The following TCF12 variants were observed in gnomAD, a reference collection of about 807,000 sequenced individuals.
TCF12 encodes DNA-binding protein HTF4.
In TCF12, 45 loss-of-function variants were observed where a neutral mutation model predicts 86.0. That is an observed-to-expected ratio of 0.52 (90% CI 0.41 to 0.67). The LOEUF (loss-of-function observed/expected upper bound fraction) is 0.67, where lower values mean the gene tolerates loss of function less well. Among genes scored for constraint, TCF12 ranks in the 30% least tolerant of loss-of-function variants. The pLI is 0.00. For synonymous variants in TCF12, 330 were observed against 299.6 expected (o/e 1.10, Z -1.05); for missense variants, 881 against 859.9 (o/e 1.02, Z -0.31).
At chr15:56,979,202 C>T (rs1258565108) in intron 3 of TCF12, among the ~76,000 whole-genome samples, 2 of 152,074 alleles carry the variant, frequency 1.3e-5, no homozygotes, top group Non-Finnish European at 2.9e-5. Flanking sequence ...AAAATTGAGT[C>T]TTTAGGATAA....
At chr15:57,000,348 GTTTTTT>G (rs11291698) in intron 3 of TCF12, among the ~76,000 whole-genome samples, 1 of 146,590 alleles carries the variant, frequency 6.8e-6, no homozygotes, top group African/African-American at 2.5e-5. Flanking sequence ...CCAGAAGTCT[GTTTTTT>G]TTTTTTTTAA....
chr15:57,227,039 A>G (rs1169284456), intron 8 of TCF12, among the ~76,000 whole-genome samples: 1 of 152,092 alleles, frequency 6.6e-6, no homozygotes, highest in Non-Finnish European at 1.5e-5. Flanking sequence ...TAGGATATAT[A>G]GCTATTGTCA....
chr15:57,138,954 C>T (rs1483933755), intron 5 of TCF12, among the ~76,000 whole-genome samples: 1 of 152,102 alleles, frequency 6.6e-6, no homozygotes, highest in South Asian at 2.1e-4. Context: ...ATTAAATTAA[C>T]CAGTAGCTGA....
chr15:57,115,685 A>G (rs1160853926), intron 5 of TCF12, among the ~76,000 whole-genome samples: 2 of 152,168 alleles, frequency 1.3e-5, no homozygotes, highest in Non-Finnish European at 2.9e-5. Flanking sequence ...ATGTTAATAT[A>G]TTATTATAAA....
At chr15:56,928,000 T>G (rs1219320347) in intron 3 of TCF12, among the ~76,000 whole-genome samples, 1 of 151,924 alleles carries the variant, frequency 6.6e-6, no homozygotes, top group Non-Finnish European at 1.5e-5. Context: ...AGAAATGGAG[T>G]GGAGTCTAAT....
At chr15:57,094,698 G>A (rs2049204250) in intron 5 of TCF12, among the ~76,000 whole-genome samples, 1 of 152,196 alleles carries the variant, frequency 6.6e-6, no homozygotes, top group Non-Finnish European at 1.5e-5. Context: ...GAGTGGTGCT[G>A]TGCATGATGA....
chr15:57,075,832 CTCT>C (rs2069927250), intron 4 of TCF12, among the ~76,000 whole-genome samples: 1 of 56,060 alleles, frequency 1.8e-5, no homozygotes, highest in African/African-American at 7.8e-5. Flanking sequence ...CTCTCTCTCT[CTCT>C]TTTCTTTCTT....
chr15:57,117,875 T>C (rs1596618600), intron 5 of TCF12, among the ~76,000 whole-genome samples: 1 of 152,326 alleles, frequency 6.6e-6, no homozygotes, highest in East Asian at 1.9e-4. Context: ...TTATAAAAAT[T>C]GTTTTTATTT....
intron 6 of TCF12, among the ~76,000 whole-genome samples, chr15:57,170,446 A>C (rs1232078319): frequency 6.6e-6 from 1 of 150,386 alleles, no homozygotes; most frequent in East Asian, 2.0e-4. Flanking sequence ...TTCTGCTTCC[A>C]CCTATGTAGT....
intron 3 of TCF12, among the ~76,000 whole-genome samples, chr15:57,059,719 G>A (rs2068307758): frequency 6.8e-6 from 1 of 147,606 alleles, no homozygotes; most frequent in Non-Finnish European, 1.5e-5. Flanking sequence ...TTTGTTTACA[G>A]GGCTCATATG....
intron 13 of TCF12, 59 bp downstream of exon 13, chr15:57,243,609 CATTT>C: frequency 3.6e-6 from 5 of 1,370,590 alleles, no homozygotes; most frequent in East Asian, 4.6e-5. Context: ...ATTTCTAGTT[CATTT>C]ATTTCTCAAC....
rs2049007698 is a variant in TCF12 at position 57,091,784 on chromosome 15, C to T, written c.223-5C>T. The T allele has an allele frequency of 1.2e-6, 2 of 1,611,528 alleles. No individual in the cohort carries two copies. The highest frequency in any genetic ancestry group is 1.7e-6 in the Non-Finnish European group (2 of 1,177,950). ...TTTAATACTCTGATCTTTTTCTCCC[C>T]CTAGGGTTTTACAGACAGCCCTCAT... On this transcript the variant is annotated splice_polypyrimidine_tract_variant and splice_region_variant and intron_variant, in intron 4 of 20. Coordinates refer to ENST00000333725, the MANE Select transcript of TCF12 (RefSeq NM_207037.2).
intron 12 of TCF12, among the ~76,000 whole-genome samples, chr15:57,234,691 A>G (rs1369588915): frequency 2.0e-5 from 3 of 152,254 alleles, no homozygotes; most frequent in Non-Finnish European, 4.4e-5. Flanking sequence ...CAGTGATTAT[A>G]TTTTAATATC....
intron 4 of TCF12, among the ~76,000 whole-genome samples, chr15:57,076,566 T>C (rs1249885850): frequency 1.3e-5 from 2 of 150,062 alleles, no homozygotes; most frequent in Non-Finnish European, 3.0e-5. Flanking sequence ...GGCAGGAGAA[T>C]AGCGTGAACC....
intron 3 of TCF12, among the ~76,000 whole-genome samples, chr15:56,996,752 TG>T (rs2063736989): frequency 6.6e-6 from 1 of 151,538 alleles, no homozygotes; most frequent in Non-Finnish European, 1.5e-5. Flanking sequence ...CAAGGTCTAA[TG>T]TCCAAAATCT....
chr15:57,269,308 T>C (rs749756213), intron 18 of TCF12, among the ~76,000 whole-genome samples: 13 of 151,788 alleles, frequency 8.6e-5, no homozygotes, highest in Admixed American at 3.3e-4. Flanking sequence ...TGATCTTTGT[T>C]GGTTGAAAGT....
At chr15:57,013,386 C>T (rs1259276927) in intron 3 of TCF12, among the ~76,000 whole-genome samples, 1 of 152,198 alleles carries the variant, frequency 6.6e-6, no homozygotes, top group Non-Finnish European at 1.5e-5. Flanking sequence ...TCCCGGCTAA[C>T]TGCAACCTCC....
chr15:57,010,497 G>A (rs1182333280), intron 3 of TCF12, among the ~76,000 whole-genome samples: 4 of 152,140 alleles, frequency 2.6e-5, no homozygotes, highest in Admixed American at 6.5e-5. Context: ...TAGAAAAAAG[G>A]GAAAAGGAAA....
At chr15:57,173,162 A>C (rs1401310766) in intron 6 of TCF12, among the ~76,000 whole-genome samples, 2 of 152,300 alleles carry the variant, frequency 1.3e-5, no homozygotes, top group South Asian at 4.1e-4. Context: ...TAAATGACCC[A>C]TTGTTTTAAA....
Sources: gnomAD v4.1 joint callset for allele counts (sites outside exome capture counted in the v4.1 genomes callset) on GRCh38, gnomAD v4.1.1 for gene constraint, MANE v1.5 for transcripts, NCBI Gene and HGNC (gene_info 2026-07-23, HGNC 2026-07-21) for gene names.